The following FRMD5 variants were observed in gnomAD, a reference collection of about 807,000 sequenced individuals.
FRMD5 encodes the protein FERM domain-containing protein 5.
Under a neutral mutation model 69.0 loss-of-function variants are expected in FRMD5, and 20 were observed. That is an observed-to-expected ratio of 0.29 (90% CI 0.20 to 0.42). The LOEUF (loss-of-function observed/expected upper bound fraction) is 0.42. Among genes scored for constraint, FRMD5 ranks in the 10% least tolerant of loss-of-function variants. The pLI is 1.00. For synonymous variants in FRMD5, 271 were observed against 260.1 expected, an observed-to-expected ratio of 1.04 and a Z score of -0.40; for missense variants, 595 against 708.6, an observed-to-expected ratio of 0.84 and a Z score of 1.82.
intron 1 of FRMD5, among the ~76,000 whole-genome samples, chr15:43,982,504 C>T (rs2140626689): frequency 6.6e-6 from 1 of 152,310 alleles, no homozygotes; most frequent in South Asian, 2.1e-4. Flanking sequence ...ATAAACTCAA[C>T]TGCATTTGTA....
intron 13 of FRMD5, among the ~76,000 whole-genome samples, chr15:43,878,932 CTTTT>C (rs71421808): frequency 6.2e-5 from 7 of 112,900 alleles, no homozygotes; most frequent in Non-Finnish European, 8.9e-5. Context: ...TTTTTCTTTT[CTTTT>C]TTTTTTTTTT....
intron 1 of FRMD5, among the ~76,000 whole-genome samples, chr15:44,070,499 G>A (rs1217523537): frequency 6.6e-6 from 1 of 152,014 alleles, no homozygotes; most frequent in Non-Finnish European, 1.5e-5. Flanking sequence ...TAGCACATAA[G>A]TTAGCAAAAC....
chr15:44,165,971 T>A (rs757493120), intron 1 of FRMD5, among the ~76,000 whole-genome samples: 2 of 152,160 alleles, frequency 1.3e-5, no homozygotes, highest in African/African-American at 4.8e-5. Context: ...CTAATGAACA[T>A]CTTGGTATAA....
At chr15:44,153,989 AATTTTAC>A (rs1224218666) in intron 1 of FRMD5, among the ~76,000 whole-genome samples, 1 of 152,094 alleles carries the variant, frequency 6.6e-6, no homozygotes, top group Non-Finnish European at 1.5e-5. Context: ...TAAGATGGTA[AATTTTAC>A]ATTATATTAA....
At chr15:43,902,148 A>G (rs769330626) in intron 7 of FRMD5, 27 bp downstream of exon 7, 1 of 1,553,428 alleles carries the variant, frequency 6.4e-7, no homozygotes, top group East Asian at 2.2e-5. Context: ...AGGAAAGGTC[A>G]TGCAGTCTCC....
At chr15:44,068,171 A>G (rs1893388629) in intron 1 of FRMD5, among the ~76,000 whole-genome samples, 1 of 152,240 alleles carries the variant, frequency 6.6e-6, no homozygotes, top group African/African-American at 2.4e-5. Flanking sequence ...CCATTTTGGG[A>G]AACAGTTTGG....
intron 1 of FRMD5, among the ~76,000 whole-genome samples, chr15:44,047,239 G>A (rs1029484939): frequency 6.6e-6 from 1 of 152,162 alleles, no homozygotes; most frequent in African/African-American, 2.4e-5. Context: ...AACCCAGGAG[G>A]CAGAGGTTGC....
rs2090302063 is a variant in FRMD5 at position 43,966,808 on chromosome 15, C to T, written c.103-42499G>A. On this transcript the variant is annotated intron_variant, in intron 1 of 13. Transcript: ENST00000417257. ...AGGTTAAGTAAATTAGATTTAATTC[C>T]TTGGGCAATGGTGATTCAGAAATGT... Among the ~76,000 whole-genome samples the T allele has an allele frequency of 2.0e-5, 3 of 152,214 alleles. No individual in the cohort carries two copies. The South Asian group carries it at 6.2e-4, about 32-fold the overall frequency.
At chr15:44,176,749 T>C (rs796765162) in intron 1 of FRMD5, among the ~76,000 whole-genome samples, 3 of 152,060 alleles carry the variant, frequency 2.0e-5, no homozygotes, top group South Asian at 4.1e-4. Flanking sequence ...CAAAAAGATA[T>C]ACAAATGGCC....
chr15:43,950,930 A>G lies in FRMD5; in HGVS notation c.103-26621T>C, dbSNP rs147218124. ...TAGTCTTCAATATAATGCCCCTTAT[A>G]TCAATGGAGGATGATTAATCTTGGT... On this transcript the variant is annotated intron_variant, in intron 1 of 13. Coordinates refer to ENST00000417257, the MANE Select transcript of FRMD5 (RefSeq NM_032892.5). 3.1e-3 allele frequency among the ~76,000 whole-genome samples: 469 copies of G among 152,330 alleles called. 3 individuals are homozygous for G. Among genetic ancestry groups the G allele is most frequent in the African/African-American group, 0.011 (449 of 41,578 alleles).
intron 1 of FRMD5, among the ~76,000 whole-genome samples, chr15:44,180,082 G>C (rs1332138608): frequency 6.9e-6 from 1 of 145,172 alleles, no homozygotes; most frequent in Non-Finnish European, 1.5e-5. Context: ...AGGCAAAAAA[G>C]GCAAAAAAAG....
intron 7 of FRMD5, among the ~76,000 whole-genome samples, chr15:43,899,733 T>G (rs1007501163): frequency 6.6e-6 from 1 of 152,170 alleles, no homozygotes; most frequent in Non-Finnish European, 1.5e-5. Flanking sequence ...GTGCCTGGTA[T>G]GAATGCTGGT....
chr15:43,919,675 T>C (rs1214967995), intron 3 of FRMD5, 92 bp downstream of exon 3: 6 of 1,451,672 alleles, frequency 4.1e-6, no homozygotes, highest in Non-Finnish European at 5.8e-6. Context: ...AGTGGGAAAT[T>C]ATATATGTAG....
intron 1 of FRMD5, among the ~76,000 whole-genome samples, chr15:43,960,691 A>G (rs1243860663): frequency 6.6e-6 from 1 of 152,226 alleles, no homozygotes; most frequent in African/African-American, 2.4e-5. Flanking sequence ...GTCTAAAATG[A>G]TTATTTTTTA....
At chr15:43,884,997 T>C (rs1292841054) in intron 11 of FRMD5, 6 of 536,942 alleles carry the variant, frequency 1.1e-5, no homozygotes, top group South Asian at 2.7e-5. Context: ...GAGAGAACTC[T>C]CTCCATCTCT....
intron 1 of FRMD5, among the ~76,000 whole-genome samples, chr15:43,945,297 T>C (rs1395427907): frequency 1.3e-5 from 2 of 152,178 alleles, no homozygotes; most frequent in Admixed American, 1.3e-4. Context: ...GTTGGTTCAA[T>C]AGGAAGTGCT....
At position 43,884,817 on chromosome 15, in the gene FRMD5, C is replaced by T. The variant is rs780342108; in HGVS notation, c.960-22G>A. The T allele has an allele frequency of 1.4e-5, 22 of 1,606,280 alleles. No individual in the cohort carries two copies. In the South Asian group the frequency reaches 2.3e-4, roughly 17 times the overall value. On this transcript the variant is annotated intron_variant, in intron 11 of 13. Transcript: ENST00000417257. ...GCCACTGTAAGTAGTGTAATAAAAA[C>T]AAGCAGCAAGAAATGAGACTGTGTT...
chr15:44,010,010 C>A (rs931871469), intron 1 of FRMD5, among the ~76,000 whole-genome samples: 2 of 152,132 alleles, frequency 1.3e-5, no homozygotes, highest in Non-Finnish European at 2.9e-5. Flanking sequence ...TAACATCATA[C>A]CCTGACCTTC....
intron 7 of FRMD5, among the ~76,000 whole-genome samples, chr15:43,898,331 G>T (rs1330965220): frequency 2.6e-5 from 4 of 152,134 alleles, no homozygotes; most frequent in African/African-American, 9.7e-5. Context: ...CCTTAGAGGG[G>T]ACTTATCTCC....
Sources: allele counts gnomAD v4.1 joint callset (sites outside exome capture counted in the v4.1 genomes callset), GRCh38; gene constraint gnomAD v4.1.1; transcripts MANE v1.5; gene names NCBI Gene and HGNC (gene_info 2026-07-23, HGNC 2026-07-21).